Variants in WDR76 observed in about 807,000 individuals in gnomAD.
WDR76 encodes the protein WD repeat domain 76, also known as WD repeat-containing protein 76.
In WDR76, 52 loss-of-function variants were observed where a neutral mutation model predicts 70.2. The observed-to-expected ratio is 0.74, with a 90% CI of 0.59 to 0.93. WDR76 has a LOEUF of 0.93. Among genes scored for constraint, WDR76 ranks in the 40% least tolerant of loss-of-function variants. The pLI, the probability that WDR76 is intolerant of heterozygous loss-of-function variation, is 0.00. For missense variants in WDR76, 756 were observed against 760.2 expected, an observed-to-expected ratio of 0.99 and a Z score of 0.07; for synonymous variants, 292 against 271.1, an observed-to-expected ratio of 1.08 and a Z score of -0.76.
chr15:43,840,920 T>A (rs930855896), intron 5 of WDR76, among the ~76,000 whole-genome samples: 2 of 151,846 alleles, frequency 1.3e-5, no homozygotes, highest in African/African-American at 4.8e-5. Flanking sequence ...TTTAAAAATA[T>A]ATATATATAT....
intron 12 of WDR76, among the ~76,000 whole-genome samples, chr15:43,863,442 T>A (rs749621542): frequency 6.6e-6 from 1 of 152,074 alleles, no homozygotes; most frequent in Non-Finnish European, 1.5e-5. Flanking sequence ...GTCATCCTGA[T>A]GTACAATAGA....
chr15:43,839,609 A>G lies in WDR76; in HGVS notation c.613A>G (p.Lys205Glu), dbSNP rs1357456099. Residue 205 changes from lysine to glutamate, a missense_variant, in exon 5 of 13, where the codon AAG becomes GAG. Physicochemically the swap from Lys to Glu is moderately conservative, Grantham distance 56 (BLOSUM62 1). Coordinates refer to ENST00000263795, the MANE Select transcript of WDR76 (RefSeq NM_024908.4). ...AGTTTTTCCCCACTCCTTTAGAAAG[A>G]AGCCTAAGAGAGAAAATGGGATTGG... ...KRQPPKSKRK[K>E]PKRENGIGCR... is the part of the protein sequence containing the mutation. The G allele has an allele frequency of 6.2e-7, 1 of 1,607,466 alleles. No homozygotes were observed. The highest frequency in any genetic ancestry group is 2.2e-5 in the East Asian group (1 of 44,704).
At chr15:43,856,876 A>G in intron 9 of WDR76, 70 bp from the exon 10 acceptor site, 1 of 1,404,220 alleles carries the variant, frequency 7.1e-7, no homozygotes, top group East Asian at 2.3e-5. Flanking sequence ...CCCTTTTACC[A>G]AAGAATTTAT....
Position 43,858,657 on chromosome 15 carries a change from T to G in WDR76, c.1410-14T>G. ...GTACTATGGCAACATTGATCATTGT[T>G]TCTCCCATTACAGGGATACTCATAT... is the stretch of plus-strand genomic sequence containing the variant. On this transcript the variant is annotated splice_polypyrimidine_tract_variant and intron_variant, in intron 10 of 12. Transcript: ENST00000263795. 6.2e-7 allele frequency: 1 copy of G among 1,612,540 alleles called. No homozygotes were observed. The highest frequency in any genetic ancestry group is 8.5e-7 in the Non-Finnish European group (1 of 1,179,308).
At chr15:43,841,225 C>T (rs1215222450) in intron 5 of WDR76, among the ~76,000 whole-genome samples, 8 of 128,464 alleles carry the variant, frequency 6.2e-5, no homozygotes, top group Admixed American at 1.8e-4. Flanking sequence ...TTTTTTGAGA[C>T]GGAGTCTCAA....
At chr15:43,829,714 G>A (rs894146495) in intron 2 of WDR76, among the ~76,000 whole-genome samples, 6 of 151,664 alleles carry the variant, frequency 4.0e-5, no homozygotes, top group African/African-American at 9.7e-5. Context: ...CACCATGTTC[G>A]CCAGGATGGT....
chr15:43,843,751 T>C, intron 7 of WDR76, 150 bp from the exon 8 acceptor site: 1 of 694,636 alleles, frequency 1.4e-6, no homozygotes, highest in South Asian at 3.1e-5. Context: ...TGAAAGAATA[T>C]TGCTTAATTT....
At chr15:43,861,525 G>T (rs1028055237) in intron 12 of WDR76, 139 bp downstream of exon 12, 3 of 841,816 alleles carry the variant, frequency 3.6e-6, no homozygotes, top group African/African-American at 3.4e-5. Context: ...GTCCCAGTTT[G>T]CTAGTTCCTA....
At chr15:43,831,058 C>T (rs2087581695) in intron 2 of WDR76, among the ~76,000 whole-genome samples, 1 of 150,098 alleles carries the variant, frequency 6.7e-6, no homozygotes, top group South Asian at 2.1e-4. Context: ...CACTTCCCCA[C>T]CAAAAAAAAA....
chr15:43,838,333 T>C (rs1441778534), intron 4 of WDR76, among the ~76,000 whole-genome samples: 1 of 152,088 alleles, frequency 6.6e-6, no homozygotes, highest in Non-Finnish European at 1.5e-5. Flanking sequence ...TTACAGGTGC[T>C]CATGACCATG....
chr15:43,852,160 G>C (rs1246375986), intron 9 of WDR76, among the ~76,000 whole-genome samples: 1 of 152,186 alleles, frequency 6.6e-6, no homozygotes, highest in Non-Finnish European at 1.5e-5. Context: ...GCCTCAATAA[G>C]ATAAGTCTTA....
At chr15:43,865,336 A>C (rs950800155) in intron 12 of WDR76, among the ~76,000 whole-genome samples, 1 of 151,984 alleles carries the variant, frequency 6.6e-6, no homozygotes, top group Non-Finnish European at 1.5e-5. Flanking sequence ...GCAGTGGTGC[A>C]ATCTTGGCTC....
intron 11 of WDR76, among the ~76,000 whole-genome samples, chr15:43,860,613 C>G (rs1431511653): frequency 4.6e-5 from 7 of 151,906 alleles, no homozygotes; most frequent in Non-Finnish European, 1.5e-5. Flanking sequence ...AGCAATCTTA[C>G]GGCCTCAGCT....
rs527836595 is a variant in WDR76 at position 43,858,733 on chromosome 15, T to A, written c.1472T>A (p.Leu491Ter). 6.2e-7 allele frequency: 1 copy of A among 1,614,252 alleles called. No individual in the cohort carries two copies. The highest frequency in any genetic ancestry group is 1.1e-5 in the South Asian group (1 of 91,088). ...NSRRSQPLIS[L>*]TEHTKSIASA... ...AGGAGAAGTCAGCCTTTGATTTCTT[T>A]GACTGAACATACAAAGAGCATTGCT... The change falls in exon 11 of 13, where the codon TTG becomes TAG. Residue 491 changes from leucine (L) to a stop codon, truncating the protein, a stop_gained. Coordinates refer to ENST00000263795, the MANE Select transcript of WDR76 (RefSeq NM_024908.4). LOFTEE classifies it high-confidence loss of function.
chr15:43,839,674 G>C lies in WDR76; in HGVS notation c.678G>C (p.Ser226=). The C allele has an allele frequency of 3.7e-6, 6 of 1,612,252 alleles. No homozygotes were observed. Among genetic ancestry groups the C allele is most frequent in the Non-Finnish European group, 4.2e-6 (5 of 1,178,890 alleles). The part of the protein sequence containing the change: ...RSMRLLKVDP[S]GVSLPAAPTP... The stretch of plus-strand genomic sequence containing the variant: ...TGCGATTACTAAAAGTTGATCCTTC[G>C]GGAGTTTCATTACCAGCAGCTCCAA... Residue 226 remains serine, a synonymous_variant, in exon 5 of 13, where the codon TCG becomes TCC. Coordinates refer to ENST00000263795, the MANE Select transcript of WDR76 (RefSeq NM_024908.4).
intron 10 of WDR76, among the ~76,000 whole-genome samples, chr15:43,857,946 ATTAGAGGG>A (rs1484183386): frequency 7.0e-6 from 1 of 143,244 alleles, no homozygotes; most frequent in Non-Finnish European, 1.5e-5. Flanking sequence ...TAATAAGAGT[ATTAGAGGG>A]TTCTGTCTTT....
Position 43,857,180 on chromosome 15 carries a change from A to T in WDR76, c.1409+17A>T. On this transcript the variant is annotated intron_variant, in intron 10 of 12. Transcript: ENST00000263795. Reference sequence around the variant, plus strand: ...CGGATTGAGGTATGGTCTTTATAAGACTTTATGACTTAGACCTTTTAATGT... The same window carrying T: ...CGGATTGAGGTATGGTCTTTATAAGTCTTTATGACTTAGACCTTTTAATGT... 1 of 1,592,518 alleles carries T rather than the reference A, an allele frequency of 6.3e-7. No homozygotes were observed. The highest frequency in any genetic ancestry group is 1.7e-4 in the Middle Eastern group (1 of 5,920).
At position 43,866,133 on chromosome 15, in the gene WDR76, A is replaced by C; in HGVS notation, c.1622A>C (p.Asn541Thr). Residue 541 changes from asparagine (N) to threonine (T), a missense_variant, in exon 13 of 13, where the codon AAC (asparagine) becomes ACC (threonine). By Grantham distance (65) the Asn-to-Thr change is moderately conservative. Coordinates refer to ENST00000263795, the MANE Select transcript of WDR76 (RefSeq NM_024908.4). ...KIPLLTTIRH[N>T]TFTGRWLTRF... is the part of the protein sequence containing the mutation. ...TATATTGTTTTCCTCACTAGGCACA[A>C]CACTTTCACTGGGCGATGGCTGACC... The C allele has an allele frequency of 6.2e-7, 1 of 1,614,092 alleles. No individual in the cohort carries two copies. The highest frequency in any genetic ancestry group is 1.1e-5 in the South Asian group (1 of 91,076).
At position 43,833,364 on chromosome 15, in the gene WDR76, A is replaced by G. The variant is rs369913486; in HGVS notation, c.463-1697A>G. Among the ~76,000 whole-genome samples the G allele has an allele frequency of 9.7e-5, 14 of 144,374 alleles. No individual in the cohort carries two copies. The East Asian group carries it at 2.6e-3, about 27-fold the overall frequency. 94.7% of individuals were successfully genotyped at this position (144,374 alleles called of 152,430 possible). ...GATGGAGTCTGGCTCTGTTGCCCAGAGTGGAGTGCAGTGGCGCCATCTCGG... is the reference window on the plus strand; with the variant it reads ...GATGGAGTCTGGCTCTGTTGCCCAGGGTGGAGTGCAGTGGCGCCATCTCGG... On this transcript the variant is annotated intron_variant, in intron 2 of 12. Transcript: ENST00000263795.
Sources: gnomAD v4.1 joint callset for allele counts (sites outside exome capture counted in the v4.1 genomes callset) on GRCh38, gnomAD v4.1.1 for gene constraint, MANE v1.5 for transcripts, NCBI Gene and HGNC (gene_info 2026-07-23, HGNC 2026-07-21) for gene names.